GFRA2: variants seen among roughly 807,000 people sequenced by gnomAD.
GFRA2 encodes the protein GDNF family receptor alpha-2.
A neutral mutation model predicts 48.3 loss-of-function variants in GFRA2; 17 were observed. The ratio of observed to expected loss-of-function variants is 0.35; its 90% confidence interval spans 0.24 to 0.53. GFRA2 has a LOEUF of 0.53. GFRA2 is among the 20% of genes least tolerant of loss of function. The probability of loss-of-function intolerance (pLI) is 0.93; values close to 1 mark genes in which losing one functional copy is unlikely to be tolerated. For missense variants in GFRA2, 660 were observed against 637.3 expected, an observed-to-expected ratio of 1.04 and a Z score of -0.38; for synonymous variants, 305 against 257.2, an observed-to-expected ratio of 1.19 and a Z score of -1.78.
chr8:21,706,129 C>T (rs936756906), intron 4 of GFRA2, 88 bp from the exon 5 acceptor site: 6 of 817,216 alleles, frequency 7.3e-6, no homozygotes, highest in East Asian at 2.7e-5. Flanking sequence ...GGCATCTCCT[C>T]CCTGCAGCTT....
intron 3 of GFRA2, among the ~76,000 whole-genome samples, chr8:21,756,434 G>A (rs1805573097): frequency 6.6e-6 from 1 of 152,184 alleles, no homozygotes; most frequent in Non-Finnish European, 1.5e-5. Context: ...GGGCTCTGAG[G>A]CTCTGCCAAG....
At chr8:21,779,221 G>A (rs1806854853) in intron 2 of GFRA2, among the ~76,000 whole-genome samples, 1 of 152,198 alleles carries the variant, frequency 6.6e-6, no homozygotes, top group African/African-American at 2.4e-5. Context: ...TTTGGAACCA[G>A]AGAAGCCATC....
intron 4 of GFRA2, among the ~76,000 whole-genome samples, chr8:21,711,368 A>G (rs1162089190): frequency 6.6e-6 from 1 of 152,218 alleles, no homozygotes; most frequent in Non-Finnish European, 1.5e-5. Context: ...AAGAGAACCA[A>G]AATGAAGAGG....
chr8:21,755,091 A>T (rs1174027783), intron 3 of GFRA2, among the ~76,000 whole-genome samples: 1 of 152,136 alleles, frequency 6.6e-6, no homozygotes, highest in Non-Finnish European at 1.5e-5. Context: ...CAGAGCATGG[A>T]GCATTTTTAG....
intron 4 of GFRA2, among the ~76,000 whole-genome samples, chr8:21,721,363 G>A (rs915893470): frequency 5.3e-5 from 8 of 152,136 alleles, no homozygotes; most frequent in African/African-American, 1.7e-4. Context: ...AGTGGCCTGC[G>A]AGAATTAACA....
At chr8:21,780,948 C>T (rs1042003799) in intron 2 of GFRA2, 1 of 151,930 alleles carries the variant, frequency 6.6e-6, no homozygotes, top group Admixed American at 6.6e-5. Flanking sequence ...ATAACGAGAC[C>T]CCATCTCTAC....
intron 4 of GFRA2, among the ~76,000 whole-genome samples, chr8:21,713,199 GTTTT>G (rs1213982298): frequency 6.6e-6 from 1 of 152,042 alleles, no homozygotes; most frequent in African/African-American, 2.4e-5. Context: ...GTTTTGTTTT[GTTTT>G]GTTTTTGAGA....
At chr8:21,804,353 A>T (rs1807822564) in intron 2 of GFRA2, among the ~76,000 whole-genome samples, 1 of 152,050 alleles carries the variant, frequency 6.6e-6, no homozygotes, top group South Asian at 2.1e-4. Flanking sequence ...GCAAAACGGG[A>T]ATAATAGAAA....
chr8:21,691,129 C>T lies in GFRA2; in HGVS notation c.*2149G>A, dbSNP rs369931939. The T allele has an allele frequency of 3.3e-5, 5 of 152,234 alleles. No homozygotes were observed. Among genetic ancestry groups the T allele is most frequent in the Admixed American group, 6.5e-5 (1 of 15,280 alleles). The allele number at this position is 152,234 out of a possible 1,614,324, so 9.4% of individuals were successfully genotyped here. The stretch of plus-strand genomic sequence containing the variant: ...GATTGGGAGATGGGAAAACTGCATC[C>T]TATTGTCCAGTTGAAATGGGATGGG... On this transcript the variant is annotated 3_prime_UTR_variant, in exon 9 of 9. Coordinates refer to ENST00000524240, the MANE Select transcript of GFRA2 (RefSeq NM_001495.5).
At chr8:21,796,540 C>T (rs1187500568) in intron 2 of GFRA2, among the ~76,000 whole-genome samples, 2 of 152,248 alleles carry the variant, frequency 1.3e-5, no homozygotes, top group Admixed American at 6.5e-5. Context: ...GGGGCTGTGG[C>T]CAGAAAACAG....
intron 8 of GFRA2, 83 bp downstream of exon 8, chr8:21,694,381 G>A (rs1378145493): frequency 1.2e-5 from 16 of 1,318,430 alleles, no homozygotes; most frequent in Middle Eastern, 1.8e-4. Context: ...ATTTGAGGGC[G>A]CTGGATCTGA....
At chr8:21,724,811 C>A (rs568717945) in intron 4 of GFRA2, among the ~76,000 whole-genome samples, 2 of 152,296 alleles carry the variant, frequency 1.3e-5, no homozygotes, top group Admixed American at 1.3e-4. Flanking sequence ...AGGCCCACCC[C>A]TAGGCTCAAA....
chr8:21,723,500 G>T (rs1186372003), intron 4 of GFRA2, among the ~76,000 whole-genome samples: 1 of 152,094 alleles, frequency 6.6e-6, no homozygotes, highest in Non-Finnish European at 1.5e-5. Context: ...TTTCTGGAGA[G>T]AGCTTTACAA....
chr8:21,784,535 A>C (rs1421207655), intron 1 of GFRA2, among the ~76,000 whole-genome samples: 4 of 152,176 alleles, frequency 2.6e-5, no homozygotes, highest in African/African-American at 4.8e-5. Context: ...ACCTAAAGGC[A>C]GCGCGCTGCA....
intron 4 of GFRA2, among the ~76,000 whole-genome samples, chr8:21,717,098 C>T (rs965941824): frequency 1.3e-5 from 2 of 152,234 alleles, no homozygotes; most frequent in African/African-American, 2.4e-5. Context: ...TTAACCCTCA[C>T]TGTGCGTCAC....
intron 4 of GFRA2, among the ~76,000 whole-genome samples, chr8:21,734,005 A>C (rs1804329316): frequency 6.6e-6 from 1 of 152,190 alleles, no homozygotes. Flanking sequence ...CAGGGGACCA[A>C]AACGATGCAG....
chr8:21,730,081 A>C (rs1329628980), intron 4 of GFRA2, among the ~76,000 whole-genome samples: 1 of 152,042 alleles, frequency 6.6e-6, no homozygotes. Context: ...CTGGGTTCTC[A>C]GTGTTACGGC....
intron 4 of GFRA2, among the ~76,000 whole-genome samples, chr8:21,711,724 C>T (rs1343854323): frequency 2.2e-5 from 3 of 133,524 alleles, no homozygotes; most frequent in African/African-American, 3.2e-5. Flanking sequence ...GGGTGTTTCT[C>T]GCAGAGGGGG....
chr8:21,761,021 G>A (rs1445559185), intron 3 of GFRA2, among the ~76,000 whole-genome samples: 3 of 152,138 alleles, frequency 2.0e-5, no homozygotes, highest in Non-Finnish European at 4.4e-5. Flanking sequence ...GACAGCAAGG[G>A]CGGGTAGAGA....
Sources: allele counts gnomAD v4.1 joint callset (sites outside exome capture counted in the v4.1 genomes callset), GRCh38; gene constraint gnomAD v4.1.1; transcripts MANE v1.5; gene names NCBI Gene and HGNC (gene_info 2026-07-23, HGNC 2026-07-21).